Variants in HNRNPC observed in about 807,000 individuals in gnomAD.
HNRNPC encodes heterogeneous nuclear ribonucleoproteins C1/C2.
Under a neutral mutation model 33.2 loss-of-function variants are expected in HNRNPC, and 3 were observed. That is an observed-to-expected ratio of 0.09 (90% CI 0.04 to 0.23). HNRNPC has a LOEUF of 0.23. Among genes scored for constraint, HNRNPC ranks in the 10% least tolerant of loss-of-function variants. HNRNPC has a pLI of 1.00. For synonymous variants in HNRNPC, 121 were observed against 126.7 expected (o/e 0.96, Z 0.30); for missense variants, 143 against 366.7 (o/e 0.39, Z 4.98).
intron 5 of HNRNPC, among the ~76,000 whole-genome samples, chr14:21,227,184 T>C (rs1186920439): frequency 6.6e-6 from 1 of 152,058 alleles, no homozygotes; most frequent in Non-Finnish European, 1.5e-5. Context: ...AAAACTCCTG[T>C]ATCTGCCCCT....
intron 5 of HNRNPC, among the ~76,000 whole-genome samples, chr14:21,227,005 GA>G (rs1422358211): frequency 1.3e-5 from 2 of 151,380 alleles, no homozygotes; most frequent in Non-Finnish European, 2.9e-5. Flanking sequence ...CATAGTCAAT[GA>G]AGTATCGCTG....
At chr14:21,250,670 T>A (rs1010446288) in intron 2 of HNRNPC, among the ~76,000 whole-genome samples, 9 of 152,222 alleles carry the variant, frequency 5.9e-5, no homozygotes, top group Admixed American at 4.6e-4. Context: ...AAATAAAATG[T>A]CATGTTTTAT....
chr14:21,255,122 C>T (rs1447358662), intron 2 of HNRNPC, among the ~76,000 whole-genome samples: 1 of 152,100 alleles, frequency 6.6e-6, no homozygotes, highest in African/African-American at 2.4e-5. Flanking sequence ...ATAGTTTATC[C>T]TCTTCAGAAT....
intron 2 of HNRNPC, among the ~76,000 whole-genome samples, chr14:21,245,229 C>T (rs1223071665): frequency 2.0e-5 from 3 of 151,892 alleles, no homozygotes; most frequent in Admixed American, 1.3e-4. Context: ...GGAGCAGTGG[C>T]TCACGCCTGT....
intron 2 of HNRNPC, among the ~76,000 whole-genome samples, chr14:21,259,108 T>C (rs1279078445): frequency 6.6e-6 from 1 of 152,202 alleles, no homozygotes; most frequent in Non-Finnish European, 1.5e-5. Flanking sequence ...CCATCCCTCA[T>C]CTATGTATTC....
intron 5 of HNRNPC, among the ~76,000 whole-genome samples, chr14:21,221,514 G>A (rs1316939187): frequency 6.6e-6 from 1 of 152,096 alleles, no homozygotes; most frequent in Non-Finnish European, 1.5e-5. Flanking sequence ...ATAATTTACT[G>A]TCTATTACAA....
intron 1 of HNRNPC, among the ~76,000 whole-genome samples, chr14:21,268,861 T>C (rs1477799284): frequency 6.6e-6 from 1 of 152,106 alleles, no homozygotes; most frequent in Non-Finnish European, 1.5e-5. Context: ...ATCCAGGATT[T>C]AAAGGCTCGC....
At chr14:21,250,886 T>TAC in intron 2 of HNRNPC, among the ~76,000 whole-genome samples, 1 of 152,302 alleles carries the variant, frequency 6.6e-6, no homozygotes. Flanking sequence ...ACTCTATTCC[T>TAC]AGGTAGCTCC....
At chr14:21,211,665 C>T (rs1735753267) in intron 7 of HNRNPC, 99 bp from the exon 8 acceptor site, 3 of 1,460,274 alleles carry the variant, frequency 2.1e-6, no homozygotes, top group Non-Finnish European at 2.8e-6. Context: ...AAATCTAAAT[C>T]CTCCCACACA....
At chr14:21,213,170 C>T (rs1009816735) in intron 5 of HNRNPC, 53 bp from the exon 6 acceptor site, 2 of 1,536,680 alleles carry the variant, frequency 1.3e-6, no homozygotes, top group Admixed American at 1.7e-5. Flanking sequence ...TAACTCAGCA[C>T]AATTCAACAG....
At chr14:21,253,926 GGT>G (rs1896947352) in intron 2 of HNRNPC, among the ~76,000 whole-genome samples, 1 of 151,598 alleles carries the variant, frequency 6.6e-6, no homozygotes, top group African/African-American at 2.4e-5. Flanking sequence ...AAATTAGCTG[GGT>G]GTGTTGGCAC....
chr14:21,258,893 G>A (rs1447967442), intron 2 of HNRNPC, among the ~76,000 whole-genome samples: 2 of 152,118 alleles, frequency 1.3e-5, no homozygotes, highest in African/African-American at 4.8e-5. Flanking sequence ...TGAGACAGTG[G>A]CCTACTCTAA....
At chr14:21,267,229 G>GTC (rs1319778573) in intron 1 of HNRNPC, among the ~76,000 whole-genome samples, 1 of 149,488 alleles carries the variant, frequency 6.7e-6, no homozygotes, top group Non-Finnish European at 1.5e-5. Context: ...TTAAAAAAAA[G>GTC]TCTAAGTCCC....
chr14:21,228,665 TACAGG>T (rs1893746499), intron 5 of HNRNPC, among the ~76,000 whole-genome samples: 1 of 152,094 alleles, frequency 6.6e-6, no homozygotes, highest in Non-Finnish European at 1.5e-5. Flanking sequence ...GTGCTGAGAT[TACAGG>T]TGTGAGCCAC....
intron 5 of HNRNPC, among the ~76,000 whole-genome samples, chr14:21,213,747 T>C (rs144755207): frequency 2.0e-5 from 3 of 152,148 alleles, no homozygotes; most frequent in African/African-American, 7.2e-5. Context: ...AAATACCTCA[T>C]ATAAAAACAG....
intron 5 of HNRNPC, among the ~76,000 whole-genome samples, chr14:21,225,480 G>A (rs1034775276): frequency 2.0e-5 from 3 of 151,516 alleles, no homozygotes; most frequent in Admixed American, 6.6e-5. Context: ...CTCAAGAAAA[G>A]AGCTGACAGT....
rs565944831 is a variant in HNRNPC, at chr14:21,223,016, C to T, written c.365+7303G>A. Among the ~76,000 whole-genome samples the T allele has an allele frequency of 2.6e-5, 4 of 152,136 alleles. No homozygotes were observed. The East Asian group carries it at 5.8e-4, about 22-fold the overall frequency. On this transcript the variant is annotated intron_variant, in intron 5 of 8. Coordinates refer to ENST00000553300, the MANE Select transcript of HNRNPC (RefSeq NM_004500.4). Reference sequence around the variant, plus strand: ...GTGTTCGAGACTAGCCTGCCCAACACGGTGAAGCCCCATCTCTACTAAAGA... The same window carrying T: ...GTGTTCGAGACTAGCCTGCCCAACATGGTGAAGCCCCATCTCTACTAAAGA...
intron 1 of HNRNPC, among the ~76,000 whole-genome samples, chr14:21,267,582 A>G (rs1879231139): frequency 1.3e-5 from 2 of 152,198 alleles, no homozygotes; most frequent in South Asian, 4.1e-4. Context: ...CAACCTGGCC[A>G]TCCTTCTTCA....
At chr14:21,226,282 C>T (rs901750518) in intron 5 of HNRNPC, among the ~76,000 whole-genome samples, 2 of 148,016 alleles carry the variant, frequency 1.4e-5, no homozygotes, top group Non-Finnish European at 3.0e-5. Flanking sequence ...AGATCTGCAC[C>T]ACTGCACTCC....
Sources: allele counts gnomAD v4.1 joint callset (sites outside exome capture counted in the v4.1 genomes callset), GRCh38; gene constraint gnomAD v4.1.1; transcripts MANE v1.5; gene names NCBI Gene and HGNC (gene_info 2026-07-23, HGNC 2026-07-21).